IL34: variants seen among roughly 807,000 people sequenced by gnomAD.
IL34 encodes interleukin 34, also known as interleukin-34.
Under a neutral mutation model 25.3 loss-of-function variants are expected in IL34, and 17 were observed. That is an observed-to-expected ratio of 0.67 (90% CI 0.46 to 1.01). The LOEUF (loss-of-function observed/expected upper bound fraction) is 1.01. IL34 is among the 50% of genes least tolerant of loss of function. IL34 has a pLI of 0.00. For synonymous variants in IL34, 174 were observed against 140.9 expected, an observed-to-expected ratio of 1.23 and a Z score of -1.66; for missense variants, 368 against 312.9, an observed-to-expected ratio of 1.18 and a Z score of -1.33.
intron 1 of IL34, among the ~76,000 whole-genome samples, chr16:70,597,982 C>T (rs111747928): frequency 0.11 from 16,305 of 152,122 alleles, 2,132 homozygotes; most frequent in African/African-American, 0.29. Flanking sequence ...GTAGCTGGGA[C>T]TACAGGTGCC....
In IL34 at chr16:70,599,293, C is replaced by CTTTCTTTCTTTCCTTCTTCT. The variant is rs113794220; in HGVS notation, c.-401+19246_-401+19247insTCTTTCTTTCCTTCTTCTTT. Reference sequence around the variant, plus strand: ...TCTTTCTTTCTTTCTTTCTTTCTTTCTTCTTTCTTTCCTTCTTTCTTTCTT... The same window carrying CTTTCTTTCTTTCCTTCTTCT: ...TCTTTCTTTCTTTCTTTCTTTCTTTCTTTCTTTCTTTCCTTCTTCTTTCTTTCTTTCCTTCTTTCTTTCTT... On this transcript the variant is annotated intron_variant, in intron 1 of 6. Coordinates refer to the IL34 transcript ENST00000429149. Among the ~76,000 whole-genome samples, 773 of 132,788 alleles carry CTTTCTTTCTTTCCTTCTTCT rather than the reference C, an allele frequency of 5.8e-3. 16 individuals carry two copies. The highest frequency in any genetic ancestry group is 0.022 in the African/African-American group (723 of 33,156). The allele number at this position is 132,788 out of a possible 152,430, so 87.1% of individuals were successfully genotyped here.
chr16:70,621,950 G>A (rs974464311), intron 1 of IL34, among the ~76,000 whole-genome samples: 2 of 151,936 alleles, frequency 1.3e-5, no homozygotes, highest in South Asian at 2.1e-4. Flanking sequence ...TTAAGGGGGG[G>A]CAGGGCATAT....
At chr16:70,633,356 C>A (rs763402960) in intron 1 of IL34, among the ~76,000 whole-genome samples, 3 of 150,342 alleles carry the variant, frequency 2.0e-5, no homozygotes, top group African/African-American at 4.9e-5. Flanking sequence ...CAGGCTAAAG[C>A]GATCCACCTG....
upstream of IL34, chr16:70,646,546 A>G (rs2051934379): frequency 4.5e-6 from 1 of 221,416 alleles, no homozygotes; most frequent in Non-Finnish European, 8.8e-6. Flanking sequence ...TTCTCTTCCT[A>G]GAGCCAGATT....
At chr16:70,608,978 T>A (rs967384462) in intron 1 of IL34, among the ~76,000 whole-genome samples, 2 of 152,218 alleles carry the variant, frequency 1.3e-5, no homozygotes, top group Non-Finnish European at 2.9e-5. Flanking sequence ...CTTCCTTCCA[T>A]GTGATATGAG....
rs189026166 is a variant in IL34 at position 70,620,679 on chromosome 16, G to A, written c.-400-25869G>A. Among the ~76,000 whole-genome samples the A allele has an allele frequency of 3.2e-3, 481 of 152,228 alleles. 1 individual carries two copies. Among genetic ancestry groups the A allele is most frequent in the East Asian group, 0.011 (59 of 5,188 alleles). ...CTGATGTGTAAAAGAATGCCTGGAC[G>A]TCAGGCACCTCAGACCTTCTGCGTA... On this transcript the variant is annotated intron_variant, in intron 1 of 6. Coordinates refer to the IL34 transcript ENST00000429149.
At chr16:70,631,945 C>T (rs33998678) in intron 1 of IL34, among the ~76,000 whole-genome samples, 50,278 of 151,208 alleles carry the variant, frequency 0.33, 8,441 homozygotes, top group South Asian at 0.47. Flanking sequence ...AATTATAATA[C>T]AAAAAATTAG....
At chr16:70,659,922 A>C (rs761632445) in intron 5 of IL34, 75 bp from the exon 6 acceptor site, 1 of 1,492,294 alleles carries the variant, frequency 6.7e-7, no homozygotes, top group Non-Finnish European at 9.0e-7. Context: ...GGACAAGCAC[A>C]TGCGGCTTGG....
intron 1 of IL34, among the ~76,000 whole-genome samples, chr16:70,590,231 A>G (rs1486113051): frequency 6.6e-6 from 1 of 152,166 alleles, no homozygotes; most frequent in African/African-American, 2.4e-5. Flanking sequence ...CATGTGTGGG[A>G]TGGGCAGATT....
At chr16:70,617,144 G>A (rs1356422216) in intron 1 of IL34, among the ~76,000 whole-genome samples, 1 of 152,118 alleles carries the variant, frequency 6.6e-6, no homozygotes, top group Non-Finnish European at 1.5e-5. Context: ...TTGTTGTGTA[G>A]AATTATTGGT....
intron 1 of IL34, among the ~76,000 whole-genome samples, chr16:70,592,416 T>G (rs1357562310): frequency 6.6e-6 from 1 of 152,116 alleles, no homozygotes; most frequent in Non-Finnish European, 1.5e-5. Flanking sequence ...ACATAACTTT[T>G]GACTCTCATG....
intron 1 of IL34, among the ~76,000 whole-genome samples, chr16:70,603,569 T>G (rs532548811): frequency 1.3e-5 from 2 of 152,260 alleles, no homozygotes; most frequent in South Asian, 4.1e-4. Flanking sequence ...TGAGTCACCG[T>G]GCCCGGCCTA....
chr16:70,642,068 G>A (rs955132495), upstream of IL34, among the ~76,000 whole-genome samples: 5 of 152,254 alleles, frequency 3.3e-5, no homozygotes, highest in South Asian at 2.1e-4. Context: ...ACCATAGACC[G>A]GGTGGCTTAA....
upstream of IL34, among the ~76,000 whole-genome samples, chr16:70,643,199 A>G (rs2051828134): frequency 1.3e-5 from 2 of 151,926 alleles, no homozygotes; most frequent in South Asian, 4.2e-4. Context: ...AGTAGCTGGG[A>G]TTACAGGTGC....
chr16:70,602,474 A>C (rs1211316675), intron 1 of IL34, among the ~76,000 whole-genome samples: 1 of 152,090 alleles, frequency 6.6e-6, no homozygotes, highest in African/African-American at 2.4e-5. Context: ...TTGAGGCTGC[A>C]GTGAGCCACG....
At chr16:70,654,458 T>C (rs975614395) in intron 1 of IL34, 80 bp from the exon 2 acceptor site, 6 of 1,506,304 alleles carry the variant, frequency 4.0e-6, no homozygotes, top group Admixed American at 2.0e-5. Context: ...TGGATGATGG[T>C]TGTGCTCGGC....
chr16:70,596,366 C>A (rs774044222), intron 1 of IL34, among the ~76,000 whole-genome samples: 1 of 152,162 alleles, frequency 6.6e-6, no homozygotes, highest in Non-Finnish European at 1.5e-5. Context: ...TAAGACTGCC[C>A]GGAAAGGTGG....
intron 1 of IL34, among the ~76,000 whole-genome samples, chr16:70,587,473 G>A (rs1298071440): frequency 1.3e-5 from 2 of 151,964 alleles, no homozygotes; most frequent in Non-Finnish European, 2.9e-5. Flanking sequence ...GGGTTTCACC[G>A]TTTTAGCCAG....
intron 1 of IL34, among the ~76,000 whole-genome samples, chr16:70,622,605 G>A (rs1048308218): frequency 6.6e-6 from 1 of 151,976 alleles, no homozygotes; most frequent in African/African-American, 2.4e-5. Context: ...TGGGGAAATG[G>A]GGTTAATGTC....
Sources: allele counts gnomAD v4.1 joint callset (sites outside exome capture counted in the v4.1 genomes callset), GRCh38; gene constraint gnomAD v4.1.1; transcripts MANE v1.5; gene names NCBI Gene and HGNC (gene_info 2026-07-23, HGNC 2026-07-21).